DUSP13A: variants seen among roughly 807,000 people sequenced by gnomAD.
DUSP13A encodes the protein dual specificity phosphatase 13A, also known as dual specificity protein phosphatase 13A.
At chr10:75,108,345 G>A in the DUSP13A span, 2 of 1,422,136 alleles carry the variant, frequency 1.4e-6, no homozygotes, top group South Asian at 2.9e-5. Context: ...CTCCAAGTGG[G>A]GTCTGACTCC....
At chr10:75,105,754 T>C in the DUSP13A span, 1 of 1,553,398 alleles carries the variant, frequency 6.4e-7, no homozygotes, top group South Asian at 1.2e-5. Context: ...CCATCGGTGC[T>C]GCCTCACGGT....
the DUSP13A span, chr10:75,105,691 A>G: frequency 6.5e-7 from 1 of 1,550,116 alleles, no homozygotes; most frequent in Non-Finnish European, 8.7e-7. Context: ...GGCACCCCGC[A>G]GTTGCTGGTC....
the DUSP13A span, chr10:75,108,131 G>A: frequency 1.2e-6 from 2 of 1,613,676 alleles, no homozygotes; most frequent in East Asian, 2.2e-5. Flanking sequence ...CGCCCTGACA[G>A]TAGAGGCCCT....
the DUSP13A span, among the ~76,000 whole-genome samples, chr10:75,106,857 T>A: frequency 6.6e-6 from 1 of 152,206 alleles, no homozygotes; most frequent in Non-Finnish European, 1.5e-5. Flanking sequence ...ATGTGAGCTG[T>A]AATCTTGTCA....
the DUSP13A span, chr10:75,105,672 G>A: frequency 6.5e-7 from 1 of 1,548,812 alleles, no homozygotes; most frequent in East Asian, 2.4e-5. Flanking sequence ...TGGCCCCTCA[G>A]CTCTGGCCGG....
the DUSP13A span, chr10:75,108,326 C>CCCAGCAACCT: frequency 6.8e-7 from 1 of 1,460,606 alleles, no homozygotes. Flanking sequence ...AGAGTCCAAC[C>CCCAGCAACCT]CCAGCAAGCT....
the DUSP13A span, chr10:75,108,055 C>A: frequency 6.2e-7 from 1 of 1,613,872 alleles, no homozygotes; most frequent in Non-Finnish European, 8.5e-7. Context: ...GCACTGATGT[C>A]AAAATCAGGG....
chr10:75,108,402 G>A, the DUSP13A span: 45 of 1,025,494 alleles, frequency 4.4e-5, 1 homozygote, highest in South Asian at 6.2e-4. Flanking sequence ...CTGAGCCGGC[G>A]GTGTGTGTGT....
chr10:75,105,839 C>A, the DUSP13A span: 4 of 1,550,624 alleles, frequency 2.6e-6, no homozygotes, highest in Non-Finnish European at 2.6e-6. Flanking sequence ...GAGCGGCTCA[C>A]GCCCACCACA....
the DUSP13A span, among the ~76,000 whole-genome samples, chr10:75,106,101 C>CTTTTTTTTTTTTTTTTTTTTTT: frequency 8.1e-6 from 1 of 123,024 alleles, no homozygotes; most frequent in Non-Finnish European, 1.7e-5. Flanking sequence ...TCTTTCTTTT[C>CTTTTTTTTTTTTTTTTTTTTTT]TTTTTTTTTT....
the DUSP13A span, among the ~76,000 whole-genome samples, chr10:75,106,301 C>A: frequency 4.6e-5 from 7 of 151,860 alleles, no homozygotes; most frequent in Non-Finnish European, 8.8e-5. Context: ...GATTGTCCCT[C>A]CCCCACCTTC....
At chr10:75,105,984 G>A in the DUSP13A span, 3 of 941,164 alleles carry the variant, frequency 3.2e-6, no homozygotes, top group Non-Finnish European at 4.9e-6. Flanking sequence ...GTGATCCTGA[G>A]CAAGTCACTC....
chr10:75,108,239 C>T, the DUSP13A span: 149 of 1,566,652 alleles, frequency 9.5e-5, 1 homozygote, highest in South Asian at 1.5e-3. Context: ...CACTTGATGC[C>T]GGCCAAGCCA....
chr10:75,108,277 C>T, the DUSP13A span: 4 of 1,523,010 alleles, frequency 2.6e-6, no homozygotes, highest in South Asian at 3.8e-5. Context: ...CTGTGCCTGG[C>T]CCCCTGCTGC....
chr10:75,105,920 C>T, the DUSP13A span: 3,963 of 1,515,398 alleles, frequency 2.6e-3, 97 homozygotes, highest in African/African-American at 0.048. Flanking sequence ...GGCCCACCCA[C>T]GGGCTGGGAT....
the DUSP13A span, among the ~76,000 whole-genome samples, chr10:75,107,777 G>A: frequency 9.5e-4 from 145 of 152,236 alleles, no homozygotes; most frequent in South Asian, 0.014. Flanking sequence ...AGGTTTCACC[G>A]TGTTGGCCAG....
chr10:75,105,816 G>A, the DUSP13A span: 1 of 1,550,946 alleles, frequency 6.4e-7, no homozygotes, highest in South Asian at 1.2e-5. Flanking sequence ...GGTAGGCCAG[G>A]ACCAGCGTGG....
At chr10:75,105,801 C>T in the DUSP13A span, 6 of 1,551,026 alleles carry the variant, frequency 3.9e-6, no homozygotes, top group Non-Finnish European at 5.2e-6. Flanking sequence ...GCTGGTGCAG[C>T]ATGAGGTAGG....
the DUSP13A span, chr10:75,108,179 C>T: frequency 6.2e-7 from 1 of 1,611,452 alleles, no homozygotes; most frequent in Admixed American, 1.7e-5. Flanking sequence ...TGCCCAGCTT[C>T]CACAGCTCAA....
Sources: gnomAD v4.1 joint callset for allele counts (sites outside exome capture counted in the v4.1 genomes callset) on GRCh38, gnomAD v4.1.1 for gene constraint, MANE v1.5 for transcripts, NCBI Gene and HGNC (gene_info 2026-07-23, HGNC 2026-07-21) for gene names.